The following PLA2R1 variants were observed in gnomAD, a reference collection of about 807,000 sequenced individuals.
PLA2R1 encodes the protein phospholipase A2 receptor 1, also known as secretory phospholipase A2 receptor.
A neutral mutation model predicts 195.9 loss-of-function variants in PLA2R1; 158 were observed. The ratio of observed to expected loss-of-function variants is 0.81; its 90% CI spans 0.71 to 0.92. PLA2R1 has a LOEUF of 0.92. Among genes scored for constraint, PLA2R1 ranks in the 40% least tolerant of loss-of-function variants. The pLI, the probability that PLA2R1 is intolerant of heterozygous loss-of-function variation, is 0.00. For missense variants in PLA2R1, 1,626 were observed against 1,764.6 expected (o/e 0.92, Z 1.41); for synonymous variants, 586 against 598.2 (o/e 0.98, Z 0.30).
At chr2:160,054,577 A>C (rs1284336826) in intron 1 of PLA2R1, among the ~76,000 whole-genome samples, 1 of 152,240 alleles carries the variant, frequency 6.6e-6, no homozygotes, top group Non-Finnish European at 1.5e-5. Context: ...TAGTTGTCTA[A>C]AAAGTATCAT....
intron 10 of PLA2R1, among the ~76,000 whole-genome samples, chr2:160,011,589 TAA>T (rs1692362624): frequency 6.6e-6 from 1 of 152,114 alleles, no homozygotes; most frequent in African/African-American, 2.4e-5. Context: ...AAATAAAGAA[TAA>T]GACATAAAAA....
chr2:159,991,546 C>T (rs994746798), intron 11 of PLA2R1, among the ~76,000 whole-genome samples: 1 of 150,892 alleles, frequency 6.6e-6, no homozygotes, highest in African/African-American at 2.4e-5. Flanking sequence ...ATGTGCCATG[C>T]TGGTGCGCTG....
rs563762656 is a variant in PLA2R1 at position 160,041,622 on chromosome 2, C to T, written c.667+403G>A. Among the ~76,000 whole-genome samples the T allele has an allele frequency of 6.0e-5, 9 of 151,154 alleles. No homozygotes were observed. In the East Asian group the frequency reaches 1.6e-3, roughly 27 times the overall value. ...TGACAATGGGCGAGACAAGCAGCAGCCTGGATGTGGAGAAATTAAAGCAGC... is the reference window on the plus strand; with the variant it reads ...TGACAATGGGCGAGACAAGCAGCAGTCTGGATGTGGAGAAATTAAAGCAGC... On this transcript the variant is annotated intron_variant, in intron 3 of 29. Transcript: ENST00000283243.
chr2:159,949,866 G>A (rs1281743329), intron 24 of PLA2R1, 90 bp from the exon 25 acceptor site: 10 of 1,023,916 alleles, frequency 9.8e-6, no homozygotes, highest in Admixed American at 1.9e-5. Context: ...TTCCCACATC[G>A]ATTGCTATTT....
chr2:160,024,039 C>T (rs903983979), intron 6 of PLA2R1, among the ~76,000 whole-genome samples: 2 of 152,168 alleles, frequency 1.3e-5, no homozygotes, highest in African/African-American at 2.4e-5. Flanking sequence ...CCCTGCAGCC[C>T]CCACAGGCAC....
chr2:160,006,809 A>G (rs1197250429), intron 10 of PLA2R1, among the ~76,000 whole-genome samples: 2 of 152,194 alleles, frequency 1.3e-5, no homozygotes, highest in Non-Finnish European at 2.9e-5. Context: ...TTTTCATTCA[A>G]TTTTGGTGGC....
chr2:160,013,315 G>C lies in PLA2R1; in HGVS notation c.1612C>G (p.Gln538Glu), dbSNP rs1573893759. 2 of 1,610,728 alleles carry C rather than the reference G, an allele frequency of 1.2e-6. No individual in the cohort carries two copies. The highest frequency in any genetic ancestry group is 1.1e-5 in the South Asian group (1 of 90,908). The change falls in exon 10 of 30, where the codon CAA becomes GAA. Residue 538 changes from glutamine (Q) to glutamate (E), a missense_variant. Gln to Glu is a conservative substitution (Grantham distance 29). Transcript: ENST00000283243. ...GGACAGTAATAACCGCTGGAAGCTT[G>C]GTCAAAGCTTCGAAGGACTGTGTCA... ...KIDTVLRSFD[Q>E]ASSGYYCPPA...
chr2:160,019,127 T>C (rs1692943841), intron 8 of PLA2R1, among the ~76,000 whole-genome samples: 2 of 152,192 alleles, frequency 1.3e-5, no homozygotes, highest in Admixed American at 1.3e-4. Flanking sequence ...AATGAGAGAC[T>C]AGAACATAGG....
At position 159,932,601 on chromosome 2, in the gene PLA2R1, C is replaced by T. The variant is rs1371146095; in HGVS notation, c.*9177G>A. The T allele has an allele frequency of 6.6e-6, 1 of 152,196 alleles. No homozygotes were observed. The highest frequency in any genetic ancestry group is 1.5e-5 in the Non-Finnish European group (1 of 68,042). 9.4% of individuals were successfully genotyped at this position (152,196 alleles called of 1,614,324 possible). The stretch of plus-strand genomic sequence containing the variant: ...TGATGTCCACAGGGACAAGAACCCA[C>T]TGTTTCCTAAATCTGTGAGTCGGGT... On this transcript the variant is annotated 3_prime_UTR_variant, in exon 30 of 30. Coordinates refer to ENST00000283243, the MANE Select transcript of PLA2R1 (RefSeq NM_007366.5).
At chr2:159,987,851 T>C (rs761115256) in intron 11 of PLA2R1, among the ~76,000 whole-genome samples, 2 of 152,012 alleles carry the variant, frequency 1.3e-5, no homozygotes, top group Non-Finnish European at 2.9e-5. Flanking sequence ...GAGAATGAGA[T>C]GAATTCTCTA....
intron 1 of PLA2R1, among the ~76,000 whole-genome samples, chr2:160,053,141 G>T (rs1695318520): frequency 6.6e-6 from 1 of 152,104 alleles, no homozygotes; most frequent in African/African-American, 2.4e-5. Flanking sequence ...ATGGATTCCT[G>T]GATTCTCTCC....
intron 4 of PLA2R1, among the ~76,000 whole-genome samples, chr2:160,031,597 C>T (rs1429884327): frequency 6.6e-6 from 1 of 152,142 alleles, no homozygotes; most frequent in Non-Finnish European, 1.5e-5. Flanking sequence ...GAAATTGAGG[C>T]ACAGAGCGGT....
At chr2:159,924,778 C>T in the PLA2R1 span, among the ~76,000 whole-genome samples, 252 of 151,512 alleles carry the variant, frequency 1.7e-3, 2 homozygotes, top group African/African-American at 5.6e-3. Context: ...AATAAAAACA[C>T]GAGAAGTGGA....
chr2:159,991,489 T>C (rs2105337882), intron 11 of PLA2R1, among the ~76,000 whole-genome samples: 1 of 151,494 alleles, frequency 6.6e-6, no homozygotes, highest in South Asian at 2.1e-4. Context: ...ATACTTTAAG[T>C]TTTAGGGTAC....
rs746577008 is a variant in PLA2R1, at chr2:160,005,867, T to TA, written c.1665-47dup. 19 of 1,345,462 alleles carry TA rather than the reference T, an allele frequency of 1.4e-5. No individual in the cohort carries two copies. In the East Asian group the frequency reaches 2.8e-4, roughly 20 times the overall value. 83.3% of individuals were successfully genotyped at this position (1,345,462 alleles called of 1,614,324 possible). A position where few individuals can be genotyped will look rare whatever the true frequency, so the allele number is the denominator to read the frequency against. ...GTGGTTACATTAAGTTTCTGGGCAA[T>TA]AAAAAAATGTCATTAAAGCATAATG... On this transcript the variant is annotated intron_variant, in intron 10 of 29. Transcript: ENST00000283243.
intron 1 of PLA2R1, among the ~76,000 whole-genome samples, chr2:160,061,024 T>C (rs546957630): frequency 1.3e-5 from 2 of 152,306 alleles, no homozygotes; most frequent in South Asian, 4.2e-4. Context: ...TGATTAAGCC[T>C]CCAGGGAGCT....
intron 10 of PLA2R1, among the ~76,000 whole-genome samples, chr2:160,012,911 C>CA (rs1402922980): frequency 1.3e-5 from 2 of 150,278 alleles, no homozygotes; most frequent in African/African-American, 2.5e-5. Flanking sequence ...GATTCTGTCT[C>CA]AAAAAAATGA....
At chr2:160,055,533 T>G (rs1280895105) in intron 1 of PLA2R1, among the ~76,000 whole-genome samples, 1 of 152,198 alleles carries the variant, frequency 6.6e-6, no homozygotes, top group Non-Finnish European at 1.5e-5. Flanking sequence ...AACAAGAGGC[T>G]GGCCTCCTAT....
At chr2:159,960,339 T>C (rs1389466608) in intron 20 of PLA2R1, among the ~76,000 whole-genome samples, 2 of 152,118 alleles carry the variant, frequency 1.3e-5, no homozygotes, top group East Asian at 3.8e-4. Flanking sequence ...TCCTGATCGA[T>C]TTACTAATGT....
Sources: allele counts gnomAD v4.1 joint callset (sites outside exome capture counted in the v4.1 genomes callset), GRCh38; gene constraint gnomAD v4.1.1; transcripts MANE v1.5; gene names NCBI Gene and HGNC (gene_info 2026-07-23, HGNC 2026-07-21).